The following PAICS variants were observed in gnomAD, a reference collection of about 807,000 sequenced individuals.
PAICS encodes the protein phosphoribosylaminoimidazole carboxylase and phosphoribosylaminoimidazolesuccinocarboxamide synthase.
In PAICS, 33 loss-of-function variants were observed where a neutral mutation model predicts 53.7. That is an observed-to-expected ratio of 0.61 (90% CI 0.47 to 0.82). The LOEUF (loss-of-function observed/expected upper bound fraction) is 0.82. PAICS is among the 40% of genes least tolerant of loss of function. The pLI, the probability that PAICS is intolerant of heterozygous loss-of-function variation, is 0.00. For synonymous variants in PAICS, 141 were observed against 167.2 expected (o/e 0.84, Z 1.21); for missense variants, 394 against 494.1 (o/e 0.80, Z 1.92).
At chr4:56,457,800 C>T (rs901537875) in intron 8 of PAICS, among the ~76,000 whole-genome samples, 1 of 151,966 alleles carries the variant, frequency 6.6e-6, no homozygotes, top group Non-Finnish European at 1.5e-5. Context: ...CAGGCATGCA[C>T]CACCATGCCA....
chr4:56,434,052 T>G (rs1450024404), upstream of PAICS, among the ~76,000 whole-genome samples: 1 of 152,192 alleles, frequency 6.6e-6, no homozygotes, highest in African/African-American at 2.4e-5. Flanking sequence ...AAGAGTTTAC[T>G]TTCTCCTTGG....
At chr4:56,413,715 G>A in the PAICS span, among the ~76,000 whole-genome samples, 1 of 151,784 alleles carries the variant, frequency 6.6e-6, no homozygotes, top group Non-Finnish European at 1.5e-5. Flanking sequence ...GACCAACATG[G>A]TGAAACCCCG....
intron 8 of PAICS, among the ~76,000 whole-genome samples, chr4:56,457,394 C>T (rs1464978313): frequency 6.6e-6 from 1 of 151,998 alleles, no homozygotes; most frequent in African/African-American, 2.4e-5. Context: ...GATGACAGAG[C>T]GAGACCGTGT....
chr4:56,418,418 C>G, the PAICS span, among the ~76,000 whole-genome samples: 1 of 152,178 alleles, frequency 6.6e-6, no homozygotes, highest in Non-Finnish European at 1.5e-5. Context: ...CTCCCCGACT[C>G]AAGCAATCCT....
chr4:56,421,393 C>T, the PAICS span: 1 of 152,304 alleles, frequency 6.6e-6, no homozygotes, highest in African/African-American at 2.4e-5. Context: ...AAATGTAATG[C>T]ACTTGAATCC....
At chr4:56,445,599 A>G (rs1718576266) in intron 2 of PAICS, among the ~76,000 whole-genome samples, 3 of 152,144 alleles carry the variant, frequency 2.0e-5, no homozygotes, top group Non-Finnish European at 4.4e-5. Context: ...CAAAAAAACA[A>G]AAAAACCTAC....
Position 56,436,544 on chromosome 4 carries a change from T to C in PAICS, c.16+216T>C, listed in dbSNP as rs569970265. The C allele has an allele frequency of 1.2e-4, 86 of 709,202 alleles. No individual in the cohort carries two copies. In the African/African-American group the frequency reaches 1.4e-3, roughly 12 times the overall value. 43.9% of individuals were successfully genotyped at this position (709,202 alleles called of 1,614,324 possible). On this transcript the variant is annotated intron_variant, in intron 1 of 8. Coordinates refer to ENST00000512576, the MANE Select transcript of PAICS (RefSeq NM_001079524.2). ...GAGCAAAGTAGAGGAGAACGAGAAA[T>C]GGCCAAGGGGTGGAAAGGTGCCTGG...
At chr4:56,415,895 C>T in the PAICS span, among the ~76,000 whole-genome samples, 1 of 152,046 alleles carries the variant, frequency 6.6e-6, no homozygotes, top group Non-Finnish European at 1.5e-5. Flanking sequence ...CATGGTGAAA[C>T]CTCGTGTCTA....
intron 3 of PAICS, among the ~76,000 whole-genome samples, chr4:56,447,437 G>T (rs1309220854): frequency 6.6e-6 from 1 of 152,062 alleles, no homozygotes; most frequent in African/African-American, 2.4e-5. Context: ...ACACTGCTGA[G>T]AATAAAATGA....
chr4:56,415,145 T>C, the PAICS span, among the ~76,000 whole-genome samples: 1 of 152,308 alleles, frequency 6.6e-6, no homozygotes, highest in African/African-American at 2.4e-5. Flanking sequence ...ATTTATGCCA[T>C]TAAAATCACA....
intron 1 of PAICS, 129 bp from the exon 2 acceptor site, chr4:56,441,534 A>C: frequency 2.2e-6 from 1 of 457,212 alleles, no homozygotes; most frequent in Admixed American, 4.0e-5. Flanking sequence ...ATGGTTTTAT[A>C]CAGATGATTT....
At chr4:56,411,604 G>A in the PAICS span, among the ~76,000 whole-genome samples, 1 of 152,172 alleles carries the variant, frequency 6.6e-6, no homozygotes, top group African/African-American at 2.4e-5. Context: ...ATCAATGACA[G>A]TAATGAGATG....
At chr4:56,412,770 T>G in the PAICS span, among the ~76,000 whole-genome samples, 1 of 152,204 alleles carries the variant, frequency 6.6e-6, no homozygotes, top group Non-Finnish European at 1.5e-5. Context: ...AACCAGAACT[T>G]CATCATGTCT....
At chr4:56,442,716 T>G (rs143660808) in intron 2 of PAICS, among the ~76,000 whole-genome samples, 95 of 152,326 alleles carry the variant, frequency 6.2e-4, no homozygotes, top group African/African-American at 2.2e-3. Flanking sequence ...TACTTTTAAT[T>G]CCAATATTCC....
At chr4:56,419,598 T>C in the PAICS span, 2 of 870,942 alleles carry the variant, frequency 2.3e-6, no homozygotes, top group African/African-American at 3.6e-5. Flanking sequence ...ATCTTTTACC[T>C]CTCTACCTAA....
chr4:56,412,083 T>C, the PAICS span, among the ~76,000 whole-genome samples: 1 of 152,170 alleles, frequency 6.6e-6, no homozygotes, highest in Non-Finnish European at 1.5e-5. Context: ...GTAAATCACT[T>C]AGCTTCTGAA....
At chr4:56,452,956 C>T (rs1718990626) in intron 7 of PAICS, among the ~76,000 whole-genome samples, 1 of 152,032 alleles carries the variant, frequency 6.6e-6, no homozygotes, top group South Asian at 2.1e-4. Flanking sequence ...AACTCAGACT[C>T]CTTTGATAGC....
chr4:56,451,432 T>A (rs1718912777), intron 6 of PAICS, among the ~76,000 whole-genome samples: 1 of 152,136 alleles, frequency 6.6e-6, no homozygotes, highest in Non-Finnish European at 1.5e-5. Context: ...AGGGTCATAA[T>A]CACATTTGAG....
In PAICS at chr4:56,459,380, T is replaced by A. The variant is rs763356434; in HGVS notation, c.1120T>A (p.Cys374Ser). 1.3e-6 allele frequency: 2 copies of A among 1,586,960 alleles called. No homozygotes were observed. The highest frequency in any genetic ancestry group is 8.6e-7 in the Non-Finnish European group (1 of 1,161,978). The change falls in exon 9 of 9, where the codon TGT (cysteine) becomes AGT (serine). Residue 374 changes from cysteine (C) to serine (S), a missense_variant. Coordinates refer to ENST00000512576, the MANE Select transcript of PAICS (RefSeq NM_001079524.2). ...CCTTGCTGAACCAATAGGTCTTGGC[T>A]GTTCAACCGTACTTTCTCCAGAAGG... ...SSLRLPSGLG[C>S]STVLSPEGSA...
Sources: gnomAD v4.1 joint callset for allele counts (sites outside exome capture counted in the v4.1 genomes callset) on GRCh38, gnomAD v4.1.1 for gene constraint, MANE v1.5 for transcripts, NCBI Gene and HGNC (gene_info 2026-07-23, HGNC 2026-07-21) for gene names.